The following MAPK4 variants were observed in gnomAD, a reference collection of about 807,000 sequenced individuals.
MAPK4 encodes the protein mitogen-activated protein kinase 4.
A neutral mutation model predicts 47.7 loss-of-function variants in MAPK4; 22 were observed. The observed-to-expected ratio is 0.46, with a 90% CI of 0.33 to 0.66. MAPK4 has a LOEUF of 0.66. Among genes scored for constraint, MAPK4 ranks in the 30% least tolerant of loss-of-function variants. MAPK4 has a pLI of 0.02. For synonymous variants in MAPK4, 390 were observed against 365.7 expected (o/e 1.07, Z -0.76); for missense variants, 736 against 831.7 (o/e 0.88, Z 1.42).
intron 1 of MAPK4, among the ~76,000 whole-genome samples, chr18:50,585,047 A>G (rs971874615): frequency 6.6e-6 from 1 of 152,222 alleles, no homozygotes; most frequent in Admixed American, 6.5e-5. Flanking sequence ...TGTAAAAAAG[A>G]AATTGTGTTA....
intron 2 of MAPK4, among the ~76,000 whole-genome samples, chr18:50,683,730 A>T (rs532602436): frequency 5.9e-5 from 9 of 152,192 alleles, no homozygotes; most frequent in African/African-American, 2.2e-4. Flanking sequence ...GAGTCCTGGA[A>T]TTTACCCACA....
chr18:50,610,486 A>G (rs1247855009), intron 1 of MAPK4, among the ~76,000 whole-genome samples: 1 of 152,234 alleles, frequency 6.6e-6, no homozygotes. Context: ...GTGAAGAGCC[A>G]TCACTGGGTG....
At chr18:50,635,174 G>A (rs2118370) in intron 1 of MAPK4, among the ~76,000 whole-genome samples, 25,570 of 152,076 alleles carry the variant, frequency 0.17, 2,165 homozygotes, top group Non-Finnish European at 0.18. Context: ...CCTCCTGTCA[G>A]TATCTCCTCA....
intron 2 of MAPK4, among the ~76,000 whole-genome samples, chr18:50,690,393 T>G (rs919841728): frequency 6.6e-6 from 1 of 152,240 alleles, no homozygotes; most frequent in Non-Finnish European, 1.5e-5. Context: ...AAGAGCATCT[T>G]ACTACTAACA....
chr18:50,714,937 C>T, intron 2 of MAPK4, 142 bp from the exon 3 acceptor site: 2 of 800,564 alleles, frequency 2.5e-6, no homozygotes, highest in Non-Finnish European at 2.0e-6. Flanking sequence ...CACTCATGCT[C>T]CTTCAAGATC....
intron 5 of MAPK4, among the ~76,000 whole-genome samples, chr18:50,728,298 T>G (rs1390233398): frequency 6.6e-6 from 1 of 152,256 alleles, no homozygotes; most frequent in Non-Finnish European, 1.5e-5. Context: ...GCCCTTCATT[T>G]GCTCTTGGCT....
Position 50,647,997 on chromosome 18 carries a change from A to T in MAPK4, c.-870-15092A>T, listed in dbSNP as rs547536515. On this transcript the variant is annotated intron_variant, in intron 1 of 5. Transcript: ENST00000400384. ...TTCATCAACTTTTTATTGAGCATAT[A>T]CTTACTACATGCCAGAAACCATACA... 5.7e-4 allele frequency among the ~76,000 whole-genome samples: 86 copies of T among 152,170 alleles called. 1 individual carries two copies. In the South Asian group the frequency reaches 0.017, roughly 30 times the overall value.
At chr18:50,682,429 T>C (rs1908640763) in intron 2 of MAPK4, among the ~76,000 whole-genome samples, 1 of 152,112 alleles carries the variant, frequency 6.6e-6, no homozygotes, top group African/African-American at 2.4e-5. Context: ...AGAGAATACT[T>C]CCCAACTCAT....
rs568805653 is a variant in MAPK4 at position 50,673,630 on chromosome 18, G to A, written c.546+9126G>A. On this transcript the variant is annotated intron_variant, in intron 2 of 5. Coordinates refer to ENST00000400384, the MANE Select transcript of MAPK4 (RefSeq NM_002747.4). ...AGCACTTTGGGAGGCCGAGGCAGGC[G>A]GATCACCTGAGGTCAGGAGTTTGAG... Among the ~76,000 whole-genome samples the A allele has an allele frequency of 2.6e-5, 4 of 152,270 alleles. No homozygotes were observed. In the East Asian group the frequency reaches 5.8e-4, roughly 22 times the overall value.
intron 2 of MAPK4, among the ~76,000 whole-genome samples, chr18:50,673,366 T>A (rs1438546921): frequency 6.6e-6 from 1 of 152,240 alleles, no homozygotes; most frequent in Non-Finnish European, 1.5e-5. Context: ...CCCCTCACCA[T>A]GAGAGCTGCC....
chr18:50,583,517 A>C (rs1206747015), intron 1 of MAPK4, among the ~76,000 whole-genome samples: 1 of 152,218 alleles, frequency 6.6e-6, no homozygotes, highest in Non-Finnish European at 1.5e-5. Flanking sequence ...TGAGCCCAGG[A>C]GGTGGAGGTT....
chr18:50,604,595 G>A (rs2042567461), intron 1 of MAPK4, among the ~76,000 whole-genome samples: 1 of 152,192 alleles, frequency 6.6e-6, no homozygotes, highest in African/African-American at 2.4e-5. Context: ...CTGAGAAAGA[G>A]ACTGATACTT....
In MAPK4 at chr18:50,578,669, C is replaced by A. The variant is rs555362909; in HGVS notation, c.-871+18426C>A. ...TGAAAAAATTATGAAACACCTAATG[C>A]ATGCTAGGTATTGTGCAAGCTTTGC... is the stretch of plus-strand genomic sequence containing the variant. On this transcript the variant is annotated intron_variant, in intron 1 of 5. Transcript: ENST00000400384. Among the ~76,000 whole-genome samples the A allele has an allele frequency of 5.9e-5, 9 of 152,268 alleles. No homozygotes were observed. In the East Asian group the frequency reaches 1.7e-3, roughly 29 times the overall value.
intron 1 of MAPK4, among the ~76,000 whole-genome samples, chr18:50,652,119 T>C (rs2043056658): frequency 6.6e-6 from 1 of 152,198 alleles, no homozygotes; most frequent in South Asian, 2.1e-4. Context: ...CTCACAGAGA[T>C]GAGACTTCTT....
At chr18:50,598,174 A>T (rs2042501824) in intron 1 of MAPK4, among the ~76,000 whole-genome samples, 1 of 152,228 alleles carries the variant, frequency 6.6e-6, no homozygotes, top group Non-Finnish European at 1.5e-5. Context: ...GATCTTCTGA[A>T]TGGAGTCAGC....
chr18:50,718,894 C>T lies in MAPK4; in HGVS notation c.692-3044C>T, dbSNP rs1910774826. 2.0e-5 allele frequency among the ~76,000 whole-genome samples: 3 copies of T among 151,812 alleles called. No homozygotes were observed. In the South Asian group the frequency reaches 6.2e-4, roughly 32 times the overall value. On this transcript the variant is annotated intron_variant, in intron 3 of 5. Coordinates refer to ENST00000400384, the MANE Select transcript of MAPK4 (RefSeq NM_002747.4). ...GTCAGGAGCTCCAGACCAGTCTGGC[C>T]AACATGGTGGAACCCCGTCTCTACT...
chr18:50,584,847 G>A (rs535580694), intron 1 of MAPK4, among the ~76,000 whole-genome samples: 4 of 152,318 alleles, frequency 2.6e-5, no homozygotes, highest in Admixed American at 2.6e-4. Context: ...CACACAAAAT[G>A]CTAGTCAACA....
intron 1 of MAPK4, among the ~76,000 whole-genome samples, chr18:50,611,681 G>C (rs568790737): frequency 2.0e-5 from 3 of 152,184 alleles, no homozygotes; most frequent in Non-Finnish European, 4.4e-5. Flanking sequence ...ATGACGTAGC[G>C]TTTGATCTTC....
intron 1 of MAPK4, among the ~76,000 whole-genome samples, chr18:50,644,942 A>G (rs535382590): frequency 6.6e-6 from 1 of 152,204 alleles, no homozygotes; most frequent in South Asian, 2.1e-4. Flanking sequence ...AAGCTGCCAC[A>G]TGGCTATTCT....
Sources: gnomAD v4.1 joint callset for allele counts (sites outside exome capture counted in the v4.1 genomes callset) on GRCh38, gnomAD v4.1.1 for gene constraint, MANE v1.5 for transcripts, NCBI Gene and HGNC (gene_info 2026-07-23, HGNC 2026-07-21) for gene names.